The following EIF4G3 variants were observed in gnomAD, a reference collection of about 807,000 sequenced individuals.
EIF4G3 encodes eukaryotic translation initiation factor 4 gamma 3, also known as eIF-4-gamma 3.
A neutral mutation model predicts 186.4 loss-of-function variants in EIF4G3; 34 were observed. That is an observed-to-expected ratio of 0.18 (90% CI 0.14 to 0.24). EIF4G3 has a LOEUF of 0.24. Among genes scored for constraint, EIF4G3 ranks in the 10% least tolerant of loss-of-function variants. The probability of loss-of-function intolerance (pLI) is 1.00; values close to 1 mark genes in which losing one functional copy is unlikely to be tolerated. For synonymous variants in EIF4G3, 673 were observed against 679.5 expected (o/e 0.99, Z 0.15); for missense variants, 1,536 against 1,948.5 (o/e 0.79, Z 3.99).
chr1:21,024,199 C>A (rs2091591276), intron 4 of EIF4G3, among the ~76,000 whole-genome samples: 1 of 151,660 alleles, frequency 6.6e-6, no homozygotes, highest in Non-Finnish European at 1.5e-5. Context: ...CGGCCAGCCG[C>A]CCCATCCGGG....
chr1:20,940,709 A>C (rs1210437811), intron 14 of EIF4G3, among the ~76,000 whole-genome samples: 1 of 152,224 alleles, frequency 6.6e-6, no homozygotes, highest in African/African-American at 2.4e-5. Context: ...GGCTGTGCTG[A>C]ATTGTTCAAA....
intron 2 of EIF4G3, among the ~76,000 whole-genome samples, chr1:21,172,435 C>T (rs1308500864): frequency 3.9e-5 from 6 of 152,200 alleles, no homozygotes; most frequent in Non-Finnish European, 7.3e-5. Flanking sequence ...GCTCTTCAAT[C>T]CTACATCTAG....
At chr1:21,052,557 TCCTCTCCCTCTC>T (rs377421968) in intron 3 of EIF4G3, among the ~76,000 whole-genome samples, 8 of 151,366 alleles carry the variant, frequency 5.3e-5, no homozygotes, top group African/African-American at 1.7e-4. Flanking sequence ...TCCCTCTCCC[TCCTCTCCCTCTC>T]CCTCTCCCTC....
intron 2 of EIF4G3, among the ~76,000 whole-genome samples, chr1:21,142,803 T>A (rs1023578094): frequency 2.0e-5 from 3 of 152,048 alleles, no homozygotes; most frequent in Non-Finnish European, 4.4e-5. Flanking sequence ...TGGTTCATAA[T>A]ATAAGAAAAA....
intron 31 of EIF4G3, among the ~76,000 whole-genome samples, chr1:20,827,999 G>A (rs1211339651): frequency 2.6e-5 from 4 of 151,472 alleles, no homozygotes; most frequent in Admixed American, 2.6e-4. Context: ...AAGCACCTTA[G>A]GTAACAGGGA....
At chr1:20,925,273 A>G (rs1476673797) in intron 14 of EIF4G3, among the ~76,000 whole-genome samples, 2 of 152,210 alleles carry the variant, frequency 1.3e-5, no homozygotes, top group Admixed American at 6.5e-5. Context: ...AATTTATGGA[A>G]CATCAGTGTA....
intron 14 of EIF4G3, among the ~76,000 whole-genome samples, chr1:20,937,093 C>T (rs1170303801): frequency 2.0e-5 from 3 of 152,092 alleles, no homozygotes; most frequent in Non-Finnish European, 4.4e-5. Context: ...GATCTTGGAT[C>T]CCTGCAAAGT....
chr1:21,153,748 AGAGACTGGATTTCACCATGTT>A (rs2097586206), intron 2 of EIF4G3, among the ~76,000 whole-genome samples: 1 of 152,072 alleles, frequency 6.6e-6, no homozygotes, highest in South Asian at 2.1e-4. Context: ...TATTTTTAGT[AGAGACTGGATTTCACCATGTT>A]GGCCAGGCTG....
chr1:21,167,076 C>A (rs1232414785), intron 2 of EIF4G3, among the ~76,000 whole-genome samples: 1 of 152,104 alleles, frequency 6.6e-6, no homozygotes, highest in Non-Finnish European at 1.5e-5. Flanking sequence ...AGTCACTGCA[C>A]CTGGCCAAGT....
intron 2 of EIF4G3, among the ~76,000 whole-genome samples, chr1:21,132,044 A>G (rs758980890): frequency 6.6e-6 from 1 of 152,140 alleles, no homozygotes; most frequent in African/African-American, 2.4e-5. Flanking sequence ...GTGAGGAAAA[A>G]TATTTTTCAA....
At chr1:21,111,553 A>G (rs901615490) in intron 2 of EIF4G3, 2 of 316,834 alleles carry the variant, frequency 6.3e-6, no homozygotes, top group African/African-American at 4.3e-5. Flanking sequence ...AAGAGCACCA[A>G]CGGATCTCCT....
At chr1:20,944,068 TA>T (rs1376904507) in intron 13 of EIF4G3, among the ~76,000 whole-genome samples, 1 of 146,678 alleles carries the variant, frequency 6.8e-6, no homozygotes, top group Non-Finnish European at 1.5e-5. Context: ...GAACACACCA[TA>T]TATAACAAAT....
At chr1:20,994,193 C>A (rs1439492526) in intron 7 of EIF4G3, among the ~76,000 whole-genome samples, 1 of 152,286 alleles carries the variant, frequency 6.6e-6, no homozygotes, top group South Asian at 2.1e-4. Flanking sequence ...GGTTATCCCA[C>A]CCAAATGCCA....
intron 31 of EIF4G3, among the ~76,000 whole-genome samples, chr1:20,828,029 G>GTTGT (rs1557811850): frequency 3.9e-5 from 5 of 127,408 alleles, no homozygotes; most frequent in East Asian, 2.3e-4. Flanking sequence ...CTTTTATAAA[G>GTTGT]TTTTTTTTTT....
intron 34 of EIF4G3, among the ~76,000 whole-genome samples, chr1:20,815,656 GGGTCAGCCCCCCGCCC>G (rs1295351591): frequency 6.8e-6 from 1 of 148,092 alleles, no homozygotes; most frequent in Non-Finnish European, 1.5e-5. Context: ...AGGTGGGGGG[GGGTCAGCCCCCCGCCC>G]GGCCAGCCGC....
rs143082917 is a variant in EIF4G3 at position 20,899,589 on chromosome 1, T to C, written c.1999+108A>G. On this transcript the variant is annotated intron_variant, in intron 16 of 36. Coordinates refer to ENST00000602326, the MANE Select transcript of EIF4G3 (RefSeq NM_001391906.1). ...GATCTGTCCTGTAAATATTATATTG[T>C]GATAAACCTCTTTCTTCCATCCAGT... is the stretch of plus-strand genomic sequence containing the variant. The C allele has an allele frequency of 6.4e-5, 87 of 1,357,132 alleles. No individual in the cohort carries two copies. In the African/African-American group the frequency reaches 1.1e-3, roughly 17 times the overall value. The allele number at this position is 1,357,132 out of a possible 1,614,324, so 84.1% of individuals were successfully genotyped here. A position where few individuals can be genotyped will look rare whatever the true frequency, so the allele number is the denominator to read the frequency against.
At chr1:21,140,120 G>A (rs2097312082) in intron 2 of EIF4G3, among the ~76,000 whole-genome samples, 1 of 152,172 alleles carries the variant, frequency 6.6e-6, no homozygotes, top group Non-Finnish European at 1.5e-5. Flanking sequence ...CTCTGTAACA[G>A]TATGTCATAA....
intron 12 of EIF4G3, among the ~76,000 whole-genome samples, chr1:20,950,824 A>G (rs993457269): frequency 1.3e-5 from 2 of 152,184 alleles, no homozygotes; most frequent in African/African-American, 4.8e-5. Context: ...GGATAGGTTG[A>G]GAAAAATCAC....
intron 29 of EIF4G3, among the ~76,000 whole-genome samples, chr1:20,848,548 T>A (rs996021479): frequency 1.3e-5 from 2 of 152,190 alleles, no homozygotes; most frequent in African/African-American, 4.8e-5. Flanking sequence ...GGTAGAAATG[T>A]CTTATTCACT....
Sources: gnomAD v4.1 joint callset for allele counts (sites outside exome capture counted in the v4.1 genomes callset) on GRCh38, gnomAD v4.1.1 for gene constraint, MANE v1.5 for transcripts, NCBI Gene and HGNC (gene_info 2026-07-23, HGNC 2026-07-21) for gene names.